The following SGCZ variants were observed in gnomAD, a reference collection of about 807,000 sequenced individuals.
SGCZ encodes zeta-sarcoglycan.
Under a neutral mutation model 41.3 loss-of-function variants are expected in SGCZ, and 40 were observed. The ratio of observed to expected loss-of-function variants is 0.97; its 90% CI spans 0.75 to 1.26. SGCZ has a LOEUF of 1.26. SGCZ is among the 50% of genes most tolerant of loss of function. SGCZ has a pLI of 0.00. For synonymous variants in SGCZ, 206 were observed against 137.5 expected (o/e 1.50, Z -3.49); for missense variants, 552 against 369.8 (o/e 1.49, Z -4.04).
intron 2 of SGCZ, among the ~76,000 whole-genome samples, chr8:14,384,575 C>A (rs1164640410): frequency 2.0e-5 from 3 of 152,024 alleles, no homozygotes; most frequent in Admixed American, 6.6e-5. Context: ...TTATTTATTT[C>A]TTGAGACAAA....
intron 1 of SGCZ, among the ~76,000 whole-genome samples, chr8:14,953,610 G>C (rs1237197528): frequency 2.6e-5 from 4 of 152,156 alleles, no homozygotes; most frequent in African/African-American, 7.2e-5. Flanking sequence ...CAGCTCTGAA[G>C]ACAGATGTGT....
chr8:14,428,071 ACC>A (rs1475075014), intron 2 of SGCZ, among the ~76,000 whole-genome samples: 1 of 151,364 alleles, frequency 6.6e-6, no homozygotes, highest in African/African-American at 2.4e-5. Flanking sequence ...CTGGAATCAA[ACC>A]CCGCAGATAC....
At chr8:14,879,250 C>T (rs574288601) in intron 1 of SGCZ, 1 of 152,220 alleles carries the variant, frequency 6.6e-6, no homozygotes, top group Non-Finnish European at 1.5e-5. Context: ...ATCTCTTAAG[C>T]CTGGGAGATT....
chr8:14,583,067 C>A (rs1455135355), intron 1 of SGCZ, among the ~76,000 whole-genome samples: 1 of 149,982 alleles, frequency 6.7e-6, no homozygotes, highest in African/African-American at 2.4e-5. Flanking sequence ...AGTTCTAGAT[C>A]CCTGAGGAAT....
intron 3 of SGCZ, among the ~76,000 whole-genome samples, chr8:14,262,778 A>T (rs1165267859): frequency 6.6e-6 from 1 of 151,732 alleles, no homozygotes; most frequent in East Asian, 1.9e-4. Flanking sequence ...AAAAATCATG[A>T]TGCAAATCCC....
intron 1 of SGCZ, among the ~76,000 whole-genome samples, chr8:15,161,611 G>C (rs991917160): frequency 6.6e-6 from 1 of 152,152 alleles, no homozygotes; most frequent in Non-Finnish European, 1.5e-5. Flanking sequence ...AAAAAGTCAA[G>C]TTTGGGGAAA....
chr8:14,828,020 C>T (rs2130590771), intron 1 of SGCZ, among the ~76,000 whole-genome samples: 1 of 152,318 alleles, frequency 6.6e-6, no homozygotes, highest in Non-Finnish European at 1.5e-5. Context: ...ACATGTCTGA[C>T]AGGACCTCAA....
At chr8:14,298,689 C>A (rs1164628999) in intron 3 of SGCZ, among the ~76,000 whole-genome samples, 1 of 151,798 alleles carries the variant, frequency 6.6e-6, no homozygotes, top group East Asian at 1.9e-4. Context: ...ATTATTGAAG[C>A]CTAATTACAT....
intron 1 of SGCZ, among the ~76,000 whole-genome samples, chr8:15,181,723 C>T (rs1243044807): frequency 1.3e-5 from 2 of 152,132 alleles, no homozygotes; most frequent in Non-Finnish European, 2.9e-5. Flanking sequence ...ACTAACTGAA[C>T]AGTTGTTATG....
At chr8:15,016,279 C>A (rs1227726595) in intron 1 of SGCZ, among the ~76,000 whole-genome samples, 6 of 152,138 alleles carry the variant, frequency 3.9e-5, no homozygotes, top group Non-Finnish European at 8.8e-5. Context: ...CACTGCTTGT[C>A]CACTGCTTTG....
chr8:15,158,209 G>A (rs946510227), intron 1 of SGCZ, among the ~76,000 whole-genome samples: 1 of 151,256 alleles, frequency 6.6e-6, no homozygotes, highest in East Asian at 1.9e-4. Flanking sequence ...ATTCATCAGG[G>A]AATCCCTTTC....
Position 14,358,683 on chromosome 8 carries a change from T to C in SGCZ, c.235-34479A>G, listed in dbSNP as rs1407228208. Among the ~76,000 whole-genome samples the C allele has an allele frequency of 2.6e-5, 4 of 152,038 alleles. No individual in the cohort carries two copies. In the East Asian group the frequency reaches 7.7e-4, roughly 29 times the overall value. ...CTGGAGTGCAGTGGTGTGATCTTGG[T>C]TCACTGCAACTTCCACCTCTCGGGT... On this transcript the variant is annotated intron_variant, in intron 2 of 7. Transcript: ENST00000382080.
chr8:15,022,890 T>G (rs1228561053), intron 1 of SGCZ, among the ~76,000 whole-genome samples: 1 of 152,208 alleles, frequency 6.6e-6, no homozygotes, highest in African/African-American at 2.4e-5. Flanking sequence ...TTTATAGAGT[T>G]TAAGTAACGT....
intron 1 of SGCZ, among the ~76,000 whole-genome samples, chr8:14,791,508 C>T (rs1800951883): frequency 6.6e-6 from 1 of 152,090 alleles, no homozygotes; most frequent in African/African-American, 2.4e-5. Flanking sequence ...ATCCACATCC[C>T]CTGTAGTTAT....
At chr8:14,732,580 G>A (rs189084133) in intron 1 of SGCZ, among the ~76,000 whole-genome samples, 1 of 152,274 alleles carries the variant, frequency 6.6e-6, no homozygotes, top group Non-Finnish European at 1.5e-5. Flanking sequence ...CTCCACTGCA[G>A]GTGTAATCAG....
At chr8:14,872,836 C>T (rs998059734) in intron 1 of SGCZ, among the ~76,000 whole-genome samples, 8 of 152,170 alleles carry the variant, frequency 5.3e-5, no homozygotes, top group African/African-American at 1.9e-4. Flanking sequence ...TCCCAGCACA[C>T]TGACTTAACC....
chr8:15,073,440 T>C (rs1350814410), intron 1 of SGCZ, among the ~76,000 whole-genome samples: 1 of 152,108 alleles, frequency 6.6e-6, no homozygotes, highest in Non-Finnish European at 1.5e-5. Flanking sequence ...TACATAAGAT[T>C]AATGAAAATG....
chr8:14,865,373 C>G (rs1563324385), intron 1 of SGCZ, among the ~76,000 whole-genome samples: 1 of 152,062 alleles, frequency 6.6e-6, no homozygotes, highest in Non-Finnish European at 1.5e-5. Context: ...CCTACCTCAC[C>G]TTCCTATGAT....
intron 2 of SGCZ, among the ~76,000 whole-genome samples, chr8:14,342,778 G>A (rs551310069): frequency 1.0e-3 from 153 of 152,282 alleles, no homozygotes; most frequent in East Asian, 7.0e-3. Context: ...AATTCAAGCC[G>A]GCTGCAGAAA....
Sources: gnomAD v4.1 joint callset for allele counts (sites outside exome capture counted in the v4.1 genomes callset) on GRCh38, gnomAD v4.1.1 for gene constraint, MANE v1.5 for transcripts, NCBI Gene and HGNC (gene_info 2026-07-23, HGNC 2026-07-21) for gene names.